The following POLA1 variants were observed in gnomAD, a reference collection of about 807,000 sequenced individuals.
POLA1 encodes DNA polymerase alpha 1, catalytic subunit.
POLA1 carries 15 observed loss-of-function variants against 124.0 expected under a neutral mutation model. The observed-to-expected ratio is 0.12, with a 90% CI of 0.08 to 0.19. POLA1 has a LOEUF of 0.19. Ranked by LOEUF, POLA1 falls within the 10% of genes least tolerant of loss-of-function variation. The probability of loss-of-function intolerance (pLI) is 1.00; values close to 1 mark genes in which losing one functional copy is unlikely to be tolerated. For synonymous variants in POLA1, 408 were observed against 389.4 expected, an observed-to-expected ratio of 1.05 and a Z score of -0.56; for missense variants, 886 against 1,103.4, an observed-to-expected ratio of 0.80 and a Z score of 2.79.
chrX:24,981,129 A>G (rs1294780363), intron 36 of POLA1, among the ~76,000 whole-genome samples: 1 of 112,186 alleles, frequency 8.9e-6, no homozygotes, highest in Non-Finnish European at 1.9e-5. Context: ...TAGCTATGCT[A>G]CGTTATTGGT....
intron 36 of POLA1, among the ~76,000 whole-genome samples, chrX:24,953,172 A>G (rs5943996): frequency 3.7e-4 from 42 of 112,100 alleles, no homozygotes; most frequent in South Asian, 1.1e-3. Context: ...GCAGACTCCA[A>G]AGATGTTAGC....
intron 26 of POLA1, among the ~76,000 whole-genome samples, chrX:24,754,459 G>T (rs1030656017): frequency 1.8e-5 from 2 of 110,444 alleles, no homozygotes; most frequent in African/African-American, 6.6e-5. Context: ...GTTTCTCCGT[G>T]GTCAGGCTGG....
chrX:24,868,698 A>G (rs1178130975), intron 34 of POLA1, among the ~76,000 whole-genome samples: 1 of 111,852 alleles, frequency 8.9e-6, no homozygotes, highest in African/African-American at 3.2e-5. Flanking sequence ...TTGGTCACAT[A>G]TTTAATGAAT....
At chrX:24,711,818 G>A (rs1172223197) in intron 4 of POLA1, among the ~76,000 whole-genome samples, 1 of 111,580 alleles carries the variant, frequency 9.0e-6, no homozygotes, top group Non-Finnish European at 1.9e-5. Context: ...GGCTGGTCTC[G>A]AGCTCCTGTC....
chrX:24,878,791 T>C (rs1427429854), intron 34 of POLA1, among the ~76,000 whole-genome samples: 1 of 110,759 alleles, frequency 9.0e-6, no homozygotes, highest in Non-Finnish European at 1.9e-5. Flanking sequence ...TGCCCTTTCT[T>C]TCCCCATAAG....
chrX:24,797,433 T>C (rs183145724), intron 26 of POLA1, among the ~76,000 whole-genome samples: 1 of 111,873 alleles, frequency 8.9e-6, no homozygotes, highest in African/African-American at 3.2e-5. Context: ...ATACATTATC[T>C]GTTTTTATGG....
rs775038914 is a variant in POLA1, at chrX:24,841,882, C to T, written c.3915+52C>T. ...TGAGTGAACTTGTATAAAGGCCTTACCCCCTTCCCCCACTATGGGGTATAT... is the reference window on the plus strand; with the variant it reads ...TGAGTGAACTTGTATAAAGGCCTTATCCCCTTCCCCCACTATGGGGTATAT... On this transcript the variant is annotated intron_variant, in intron 33 of 36. Coordinates refer to ENST00000379068, the MANE Select transcript of POLA1 (RefSeq NM_001330360.2). 2.1e-5 allele frequency: 19 copies of T among 898,994 alleles called. No individual in the cohort carries two copies. The Middle Eastern group carries it at 1.1e-3, about 52-fold the overall frequency. The allele number at this position is 898,994 out of a possible 1,213,427, so 74.1% of individuals were successfully genotyped here. A position where few individuals can be genotyped will look rare whatever the true frequency, so the allele number is the denominator to read the frequency against.
At chrX:24,899,540 C>G (rs1359142388) in intron 35 of POLA1, among the ~76,000 whole-genome samples, 2 of 111,375 alleles carry the variant, frequency 1.8e-5, no homozygotes, top group African/African-American at 3.3e-5. Context: ...TAAAAATGCA[C>G]CGAATTCCTG....
chrX:24,902,239 G>A (rs971313848), intron 35 of POLA1, among the ~76,000 whole-genome samples: 1 of 112,310 alleles, frequency 8.9e-6, no homozygotes, highest in East Asian at 2.8e-4. Flanking sequence ...AAGGTGAGAT[G>A]TAAACTAAGA....
At chrX:24,719,860 A>T (rs1569280272) in intron 10 of POLA1, among the ~76,000 whole-genome samples, 1 of 109,868 alleles carries the variant, frequency 9.1e-6, no homozygotes, top group Admixed American at 9.7e-5. Flanking sequence ...CTTTTTCCTC[A>T]TATCTACCAC....
In POLA1 at chrX:24,954,519, T is replaced by C. The variant is rs999765655; in HGVS notation, c.4261+23970T>C. Among the ~76,000 whole-genome samples the C allele has an allele frequency of 1.2e-4, 13 of 112,475 alleles. No individual in the cohort carries two copies. In the Admixed American group the frequency reaches 1.2e-3, roughly 11 times the overall value. ...TCATTTAATTTCATACATTCACACT[T>C]TACAGTGAAAGGCAGCTTTTTTAAT... On this transcript the variant is annotated intron_variant, in intron 36 of 36. Transcript: ENST00000379068.
chrX:24,792,921 A>G (rs913934703), intron 26 of POLA1, among the ~76,000 whole-genome samples: 5 of 111,563 alleles, frequency 4.5e-5, no homozygotes, highest in Non-Finnish European at 9.4e-5. Flanking sequence ...GAGCGTTATT[A>G]ATATGTCATG....
chrX:24,858,311 T>C (rs188269939), intron 34 of POLA1, among the ~76,000 whole-genome samples: 212 of 111,978 alleles, frequency 1.9e-3, no homozygotes, highest in African/African-American at 5.9e-3. Flanking sequence ...AAATGTCATC[T>C]TTCCTGTATC....
chrX:24,763,389 A>G (rs373523249), intron 26 of POLA1, among the ~76,000 whole-genome samples: 99 of 111,698 alleles, frequency 8.9e-4, no homozygotes, highest in African/African-American at 3.1e-3. Flanking sequence ...GCACTGGAAG[A>G]TGACCAGGTT....
chrX:24,873,555 G>A (rs1169783382), intron 34 of POLA1, among the ~76,000 whole-genome samples: 1 of 112,082 alleles, frequency 8.9e-6, no homozygotes, highest in Non-Finnish European at 1.9e-5. Flanking sequence ...AGATCTATAT[G>A]TACTGACAGG....
chrX:24,938,300 C>G (rs1212678022), intron 36 of POLA1, among the ~76,000 whole-genome samples: 1 of 111,554 alleles, frequency 9.0e-6, no homozygotes, highest in African/African-American at 3.3e-5. Context: ...CCTGTAATCC[C>G]AGCTACTTGG....
intron 35 of POLA1, among the ~76,000 whole-genome samples, chrX:24,915,617 T>C (rs1324785283): frequency 8.9e-6 from 1 of 112,127 alleles, no homozygotes; most frequent in Non-Finnish European, 1.9e-5. Context: ...AATTCACAGA[T>C]AATGAGAACT....
intron 36 of POLA1, among the ~76,000 whole-genome samples, chrX:24,967,422 C>T (rs1406492190): frequency 9.0e-6 from 1 of 110,666 alleles, no homozygotes. Context: ...GTAATCCCAG[C>T]ACTTTGGGAG....
In POLA1 at chrX:24,727,202, G is replaced by A. The variant is rs112838458; in HGVS notation, c.1531+131G>A. 848 of 546,660 alleles carry A rather than the reference G, an allele frequency of 1.6e-3. 2 individuals carry two copies. The highest frequency in any genetic ancestry group is 2.2e-3 in the Non-Finnish European group (758 of 340,757). 45.1% of individuals were successfully genotyped at this position (546,660 alleles called of 1,213,427 possible). ...TTTTCTGTTTGTTTCTTCAGTTTTC[G>A]TTGAGTGAGTATAGGGAGTACATTT... On this transcript the variant is annotated intron_variant, in intron 14 of 36. Coordinates refer to ENST00000379068, the MANE Select transcript of POLA1 (RefSeq NM_001330360.2).
Sources: gnomAD v4.1 joint callset for allele counts (sites outside exome capture counted in the v4.1 genomes callset) on GRCh38, gnomAD v4.1.1 for gene constraint, MANE v1.5 for transcripts, NCBI Gene and HGNC (gene_info 2026-07-23, HGNC 2026-07-21) for gene names.